Variants in ZNF462 observed in about 807,000 individuals in gnomAD.
ZNF462 encodes the protein zinc finger PBX1-interacting protein.
In ZNF462, 10 loss-of-function variants were observed where a neutral mutation model predicts 201.9. The ratio of observed to expected loss-of-function variants is 0.05; its 90% CI spans 0.03 to 0.08. The LOEUF (loss-of-function observed/expected upper bound fraction) is 0.08, where lower values mean the gene tolerates loss of function less well. Ranked by LOEUF, ZNF462 falls within the 10% of genes least tolerant of loss-of-function variation. The probability of loss-of-function intolerance (pLI) is 1.00; values close to 1 mark genes in which losing one functional copy is unlikely to be tolerated. For missense variants in ZNF462, 2,523 were observed against 3,168.3 expected (o/e 0.80, Z 4.89); for synonymous variants, 1,227 against 1,193.3 (o/e 1.03, Z -0.58).
rs751934618 is a variant in ZNF462, at chr9:106,926,884, C to T, written c.2972C>T (p.Ser991Phe). ...LNSAPKNMATSTPVARGGGLP... is the reference protein window; with the variant it reads ...LNSAPKNMATFTPVARGGGLP... ...TCGGCTCCCAAGAACATGGCGACTTCCACACCTGTGGCTCGTGGTGGTGGT... is the reference window on the plus strand; with the variant it reads ...TCGGCTCCCAAGAACATGGCGACTTTCACACCTGTGGCTCGTGGTGGTGGT... The change falls in exon 3 of 13, where the codon TCC becomes TTC. Residue 991 changes from serine (S) to phenylalanine (F), a missense_variant. By Grantham distance (155) the Ser-to-Phe change is radical. This residue lies in a region of ZNF462 where 280 missense variants were observed against 321.3 expected (regional missense o/e 0.87). Coordinates refer to ENST00000277225, the MANE Select transcript of ZNF462 (RefSeq NM_021224.6). This position sits in a 1 kb window ranked among gnomAD's most constrained non-coding sequence, Gnocchi z 7.9. The T allele has an allele frequency of 6.2e-7, 1 of 1,614,166 alleles. No individual in the cohort carries two copies. Among genetic ancestry groups the T allele is most frequent in the South Asian group, 1.1e-5 (1 of 91,076 alleles).
rs1020666099 is a variant in ZNF462, at chr9:106,963,084, A to G, written c.6428-8921A>G. ...TTCTTTTGGAATAGCCCATAGATAA[A>G]GAACATTTTTGAGGCTCTTCAGAGG... On this transcript the variant is annotated intron_variant, in intron 7 of 12. Coordinates refer to ENST00000277225, the MANE Select transcript of ZNF462 (RefSeq NM_021224.6). The surrounding 1 kb of genome is among the most constrained non-coding windows in gnomAD (Gnocchi z 4.7). Among the ~76,000 whole-genome samples, 1 of 152,144 alleles carries G rather than the reference A, an allele frequency of 6.6e-6. No homozygotes were observed. The highest frequency in any genetic ancestry group is 1.5e-5 in the Non-Finnish European group (1 of 68,000).
At chr9:106,904,017 GT>G (rs1261636392) in intron 1 of ZNF462, among the ~76,000 whole-genome samples, 5 of 152,074 alleles carry the variant, frequency 3.3e-5, no homozygotes, top group Middle Eastern at 3.4e-3. Flanking sequence ...TTGTATTTTT[GT>G]TTTATAGGTC....
chr9:106,949,473 C>T (rs1262712998), intron 7 of ZNF462, among the ~76,000 whole-genome samples: 1 of 152,208 alleles, frequency 6.6e-6, no homozygotes, highest in Non-Finnish European at 1.5e-5. Context: ...CTGCACTTTT[C>T]ATGCATCATT....
At chr9:106,994,990 C>A (rs1828596092) in intron 10 of ZNF462, among the ~76,000 whole-genome samples, 2 of 152,080 alleles carry the variant, frequency 1.3e-5, no homozygotes, top group African/African-American at 2.4e-5. Context: ...TAAATGAAAT[C>A]AACTTTTCAA....
rs150232788 is a variant in ZNF462, at chr9:106,881,003, T to C, written c.-31+17648T>C. Reference sequence around the variant, plus strand: ...GCACTGAGCTTTTATTTTGTAACAATTTGGAGGGGTATAGGATCACCCATG... The same window carrying C: ...GCACTGAGCTTTTATTTTGTAACAACTTGGAGGGGTATAGGATCACCCATG... On this transcript the variant is annotated intron_variant, in intron 1 of 12. Transcript: ENST00000277225. Among the ~76,000 whole-genome samples the C allele has an allele frequency of 1.3e-4, 20 of 152,296 alleles. No homozygotes were observed. The East Asian group carries it at 3.9e-3, about 29-fold the overall frequency.
Position 106,935,370 on chromosome 9 carries a change from G to T in ZNF462, c.6117-133G>T. On this transcript the variant is annotated intron_variant, in intron 5 of 12. Transcript: ENST00000277225. This position sits in a 1 kb window ranked among gnomAD's most constrained non-coding sequence, Gnocchi z 4.1. Reference sequence around the variant, plus strand: ...AAATTAATTAATTAAATTGATAAATGCCATTATTGGAAAGTAAACAAAAGG... The same window carrying T: ...AAATTAATTAATTAAATTGATAAATTCCATTATTGGAAAGTAAACAAAAGG... 1.6e-6 allele frequency: 1 copy of T among 641,942 alleles called. No homozygotes were observed. The highest frequency in any genetic ancestry group is 2.7e-6 in the Non-Finnish European group (1 of 371,842). The allele number at this position is 641,942 out of a possible 1,614,324, so 39.8% of individuals were successfully genotyped here. A position where few individuals can be genotyped will look rare whatever the true frequency, so the allele number is the denominator to read the frequency against.
intron 7 of ZNF462, among the ~76,000 whole-genome samples, chr9:106,944,994 A>C (rs1365910314): frequency 1.3e-5 from 2 of 152,166 alleles, no homozygotes; most frequent in Non-Finnish European, 2.9e-5. Context: ...CTTTATGTAC[A>C]AAAACAAAGG....
chr9:106,926,031 A>G lies in ZNF462; in HGVS notation c.2119A>G (p.Ile707Val). 6.2e-7 allele frequency: 1 copy of G among 1,614,232 alleles called. No homozygotes were observed. Among genetic ancestry groups the G allele is most frequent in the Non-Finnish European group, 8.5e-7 (1 of 1,180,040 alleles). ...GATAGCAAGCAACCTTCAGAGCAAA[A>G]TTAACCAAACCAAACAGCAGGAAGA... is the stretch of plus-strand genomic sequence containing the variant. Reference protein sequence around the residue: ...DEIASNLQSKINQTKQQEDAV... With the variant: ...DEIASNLQSKVNQTKQQEDAV... Residue 707 changes from isoleucine to valine, a missense_variant, in exon 3 of 13, where the codon ATT (isoleucine) becomes GTT (valine). Ile to Val is a conservative substitution (Grantham distance 29, BLOSUM62 3). Coordinates refer to ENST00000277225, the MANE Select transcript of ZNF462 (RefSeq NM_021224.6). The surrounding 1 kb of genome is among the most constrained non-coding windows in gnomAD (Gnocchi z 7.9).
rs1409326637 is a variant in ZNF462, at chr9:106,972,891, C to G, written c.6695+619C>G. Among the ~76,000 whole-genome samples the G allele has an allele frequency of 2.0e-5, 3 of 152,144 alleles. No individual in the cohort carries two copies. The highest frequency in any genetic ancestry group is 2.9e-5 in the Non-Finnish European group (2 of 68,022). On this transcript the variant is annotated intron_variant, in intron 8 of 12. Transcript: ENST00000277225. This position sits in a 1 kb window ranked among gnomAD's most constrained non-coding sequence, Gnocchi z 4.8. Reference sequence around the variant, plus strand: ...AATGGAATGCTTCCTATGATGTAATCTAAGCTTCTGCATTTGAATCTCATC... The same window carrying G: ...AATGGAATGCTTCCTATGATGTAATGTAAGCTTCTGCATTTGAATCTCATC...
chr9:106,926,562 G>A lies in ZNF462; in HGVS notation c.2650G>A (p.Ala884Thr). The change falls in exon 3 of 13, where the codon GCA becomes ACA. Residue 884 changes from alanine to threonine, a missense_variant. Physicochemically the swap from Ala to Thr is moderately conservative, Grantham distance 58 (BLOSUM62 0). Coordinates refer to ENST00000277225, the MANE Select transcript of ZNF462 (RefSeq NM_021224.6). The surrounding 1 kb of genome is among the most constrained non-coding windows in gnomAD (Gnocchi z 7.9). ...RYILDPNDHSAVYRCLECYID... is the reference protein window; with the variant it reads ...RYILDPNDHSTVYRCLECYID... ...CATCTTGGACCCCAATGATCACAGT[G>A]CAGTGTACAGGTGCCTGGAATGCTA... 1 of 1,614,106 alleles carries A rather than the reference G, an allele frequency of 6.2e-7. No individual in the cohort carries two copies. Among genetic ancestry groups the A allele is most frequent in the South Asian group, 1.1e-5 (1 of 91,060 alleles).
rs1828537150 is a variant in ZNF462 at position 106,890,654 on chromosome 9, T to C, written c.-31+27299T>C. Among the ~76,000 whole-genome samples the C allele has an allele frequency of 1.3e-5, 2 of 152,210 alleles. No homozygotes were observed. Among genetic ancestry groups the C allele is most frequent in the African/African-American group, 4.8e-5 (2 of 41,454 alleles). On this transcript the variant is annotated intron_variant, in intron 1 of 12. Coordinates refer to ENST00000277225, the MANE Select transcript of ZNF462 (RefSeq NM_021224.6). The surrounding 1 kb of genome is among the most constrained non-coding windows in gnomAD (Gnocchi z 4.2). ...ATGTCTCAGGTTAGCCAAATGTACC[T>C]AGGGTCAGAGGGCATATGCTCTGAT...
Position 106,930,399 on chromosome 9 carries a change from A to C in ZNF462, c.5848-126A>C. The C allele has an allele frequency of 8.1e-7, 1 of 1,235,222 alleles. No individual in the cohort carries two copies. Among genetic ancestry groups the C allele is most frequent in the African/African-American group, 1.5e-5 (1 of 65,880 alleles). 76.5% of individuals were successfully genotyped at this position (1,235,222 alleles called of 1,614,324 possible). ...ATTTGTTATATAAAAATACTCGCCTATATCTCCCTTGGTTTTTAACCTGCT... is the reference window on the plus strand; with the variant it reads ...ATTTGTTATATAAAAATACTCGCCTCTATCTCCCTTGGTTTTTAACCTGCT... On this transcript the variant is annotated intron_variant, in intron 3 of 12. Transcript: ENST00000277225. The surrounding 1 kb of genome is among the most constrained non-coding windows in gnomAD (Gnocchi z 5.8).
At chr9:106,864,225 G>C (rs1200247478) in intron 1 of ZNF462, among the ~76,000 whole-genome samples, 1 of 151,830 alleles carries the variant, frequency 6.6e-6, no homozygotes, top group Non-Finnish European at 1.5e-5. Context: ...CACCGGCCGG[G>C]TGGGGGGCGC....
At chr9:106,898,608 C>T (rs1483744850) in intron 1 of ZNF462, among the ~76,000 whole-genome samples, 1 of 152,014 alleles carries the variant, frequency 6.6e-6, no homozygotes, top group Non-Finnish European at 1.5e-5. Context: ...AATAGCACCC[C>T]GAGTTTGAGA....
intron 1 of ZNF462, among the ~76,000 whole-genome samples, 184 bp downstream of exon 1, chr9:106,863,539 G>GAGGAGGGGGAGGAGGGAGAGC (rs1295425764): frequency 1.3e-5 from 2 of 150,522 alleles, no homozygotes; most frequent in African/African-American, 2.4e-5. Context: ...GAGAGAAGAG[G>GAGGAGGGGGAGGAGGGAGAGC]AGGAGGGGGA....
Position 106,899,819 on chromosome 9 carries a change from CT to C in ZNF462, c.-30-23526del, listed in dbSNP as rs970361965. The stretch of plus-strand genomic sequence containing the variant: ...TTTAGGAGGAGATAGTGTGGCTTTT[CT>C]TTTTTTTTAATTTTAATTTTATTTA... On this transcript the variant is annotated intron_variant, in intron 1 of 12. Transcript: ENST00000277225. 2.5e-4 allele frequency among the ~76,000 whole-genome samples: 37 copies of C among 150,574 alleles called. No individual in the cohort carries two copies. In the East Asian group the frequency reaches 4.8e-3, roughly 19 times the overall value.
intron 1 of ZNF462, among the ~76,000 whole-genome samples, chr9:106,888,854 T>G (rs1029295726): frequency 2.6e-5 from 4 of 152,212 alleles, no homozygotes; most frequent in African/African-American, 9.7e-5. Flanking sequence ...GAATCATCAA[T>G]TACAAACCTT....
Position 106,930,068 on chromosome 9 carries a change from T to A in ZNF462, c.5847+309T>A, listed in dbSNP as rs1277851281. ...CTGAAGCCTAGTTTTACAACAACGC[T>A]CGCTCTTTCCTAAGGCAGTGTGGGC... is the stretch of plus-strand genomic sequence containing the variant. On this transcript the variant is annotated intron_variant, in intron 3 of 12. Transcript: ENST00000277225. The surrounding 1 kb of genome is among the most constrained non-coding windows in gnomAD (Gnocchi z 5.8). Among the ~76,000 whole-genome samples, 1 of 152,148 alleles carries A rather than the reference T, an allele frequency of 6.6e-6. No individual in the cohort carries two copies. The highest frequency in any genetic ancestry group is 1.5e-5 in the Non-Finnish European group (1 of 68,032).
chr9:106,913,496 C>G lies in ZNF462; in HGVS notation c.-30-9858C>G, dbSNP rs1005511100. Among the ~76,000 whole-genome samples the G allele has an allele frequency of 6.6e-6, 1 of 152,038 alleles. No individual in the cohort carries two copies. The highest frequency in any genetic ancestry group is 1.5e-5 in the Non-Finnish European group (1 of 68,012). On this transcript the variant is annotated intron_variant, in intron 1 of 12. Transcript: ENST00000277225. This position sits in a 1 kb window ranked among gnomAD's most constrained non-coding sequence, Gnocchi z 4.1. ...TCCTCTGAAGAGTGACTTATAGTAG[C>G]CTGGGGCCCTGTCACTTTGAAAGAA...
Sources: allele counts gnomAD v4.1 joint callset (sites outside exome capture counted in the v4.1 genomes callset), GRCh38; gene constraint gnomAD v4.1.1; regional missense constraint gnomAD v4.1.1; non-coding constraint Gnocchi (gnomAD v3.1); transcripts MANE v1.5; gene names NCBI Gene and HGNC (gene_info 2026-07-23, HGNC 2026-07-21).